TAPT1: variants seen among roughly 807,000 people sequenced by gnomAD.
TAPT1 encodes transmembrane anterior posterior transformation 1.
TAPT1 carries 28 observed loss-of-function variants against 65.6 expected under a neutral mutation model. The ratio of observed to expected loss-of-function variants is 0.43; its 90% CI spans 0.32 to 0.59. The LOEUF is 0.59. TAPT1 is among the 20% of genes least tolerant of loss of function. The probability of loss-of-function intolerance (pLI) is 0.09; values close to 1 mark genes in which losing one functional copy is unlikely to be tolerated. For missense variants in TAPT1, 563 were observed against 679.9 expected (o/e 0.83, Z 1.91); for synonymous variants, 278 against 245.2 (o/e 1.13, Z -1.25).
Position 16,162,217 on chromosome 4 carries a change from T to A in TAPT1, c.*1091A>T, listed in dbSNP as rs1747295361. 1 of 152,818 alleles carries A rather than the reference T, an allele frequency of 6.5e-6. No homozygotes were observed. Among genetic ancestry groups the A allele is most frequent in the South Asian group, 2.1e-4 (1 of 4,806 alleles). 9.5% of individuals were successfully genotyped at this position (152,818 alleles called of 1,614,324 possible). A position where few individuals can be genotyped will look rare whatever the true frequency, so the allele number is the denominator to read the frequency against. ...CCTCTCCAGACCCAGGCCTGCCCCA[T>A]CCCCAGCACAGGCCCACCCTGATAG... On this transcript the variant is annotated 3_prime_UTR_variant, in exon 14 of 14. Coordinates refer to ENST00000405303, the MANE Select transcript of TAPT1 (RefSeq NM_153365.3).
chr4:16,186,048 A>G (rs1211918318), intron 7 of TAPT1, among the ~76,000 whole-genome samples: 2 of 152,218 alleles, frequency 1.3e-5, no homozygotes, highest in African/African-American at 4.8e-5. Flanking sequence ...GCTTTCAAAA[A>G]CTATGTAAGA....
chr4:16,176,714 C>T (rs1039498770), intron 8 of TAPT1: 2 of 152,358 alleles, frequency 1.3e-5, no homozygotes, highest in African/African-American at 4.8e-5. Context: ...ACAACAAAAA[C>T]CCAAATATTT....
At chr4:16,196,131 G>A (rs1473994355) in intron 3 of TAPT1, among the ~76,000 whole-genome samples, 1 of 151,960 alleles carries the variant, frequency 6.6e-6, no homozygotes, top group African/African-American at 2.4e-5. Context: ...TAAGTAAACT[G>A]GAATAAAGTA....
In TAPT1 at chr4:16,222,280, A is replaced by G. The variant is rs1363590417; in HGVS notation, c.199+3979T>C. On this transcript the variant is annotated intron_variant, in intron 1 of 13. Coordinates refer to ENST00000405303, the MANE Select transcript of TAPT1 (RefSeq NM_153365.3). ...GACACTGAACTGATCAAAAACCAAA[A>G]TAAGTAACTTTTCATTGTTCGTTTG... Among the ~76,000 whole-genome samples, 3 of 152,346 alleles carry G rather than the reference A, an allele frequency of 2.0e-5. No individual in the cohort carries two copies. The South Asian group carries it at 6.2e-4, about 32-fold the overall frequency.
At chr4:16,174,993 G>T (rs887705969) in intron 9 of TAPT1, 1 of 270,418 alleles carries the variant, frequency 3.7e-6, no homozygotes, top group East Asian at 6.8e-5. Flanking sequence ...ATGATCCTGA[G>T]AGTTTAGAAT....
rs1159377189 is a variant in TAPT1 at position 16,160,698 on chromosome 4, A to C, written c.*2610T>G. 6.6e-6 allele frequency: 1 copy of C among 152,256 alleles called. No homozygotes were observed. The highest frequency in any genetic ancestry group is 1.5e-5 in the Non-Finnish European group (1 of 68,036). 9.4% of individuals were successfully genotyped at this position (152,256 alleles called of 1,614,324 possible). A position where few individuals can be genotyped will look rare whatever the true frequency, so the allele number is the denominator to read the frequency against. On this transcript the variant is annotated 3_prime_UTR_variant, in exon 14 of 14. Coordinates refer to ENST00000405303, the MANE Select transcript of TAPT1 (RefSeq NM_153365.3). Reference sequence around the variant, plus strand: ...TTCTGACACATAGGAAGTGATTAACAAATCTTTGTTGATAAAAAATAGTTG... The same window carrying C: ...TTCTGACACATAGGAAGTGATTAACCAATCTTTGTTGATAAAAAATAGTTG...
At chr4:16,188,182 T>C in intron 5 of TAPT1, 38 bp downstream of exon 5, 2 of 1,562,168 alleles carry the variant, frequency 1.3e-6, no homozygotes, top group Non-Finnish European at 1.7e-6. Flanking sequence ...AGACTATGCA[T>C]TAACTGTCGG....
chr4:16,186,992 A>G, intron 5 of TAPT1, 114 bp from the exon 6 acceptor site: 1 of 645,836 alleles, frequency 1.5e-6, no homozygotes, highest in Non-Finnish European at 2.7e-6. Context: ...TTGTCTTAAT[A>G]AGTATTGTAT....
chr4:16,225,013 T>G (rs1751463283), intron 1 of TAPT1, among the ~76,000 whole-genome samples: 1 of 152,238 alleles, frequency 6.6e-6, no homozygotes, highest in Non-Finnish European at 1.5e-5. Flanking sequence ...AACAGACAGT[T>G]GAGAGATTTG....
intron 12 of TAPT1, among the ~76,000 whole-genome samples, chr4:16,168,553 G>A (rs1240993569): frequency 1.3e-5 from 2 of 152,162 alleles, no homozygotes; most frequent in Non-Finnish European, 2.9e-5. Flanking sequence ...CTCTTCCCAG[G>A]TGGCTGCACA....
intron 7 of TAPT1, among the ~76,000 whole-genome samples, chr4:16,180,262 T>A (rs1748636279): frequency 6.6e-6 from 1 of 152,168 alleles, no homozygotes; most frequent in South Asian, 2.1e-4. Flanking sequence ...GTGGAAGGAA[T>A]TTAATAAAAG....
chr4:16,179,278 C>A, intron 8 of TAPT1: 1 of 254,004 alleles, frequency 3.9e-6, no homozygotes, highest in Non-Finnish European at 7.5e-6. Flanking sequence ...ATACTGCAGG[C>A]AAACTGTGAC....
intron 7 of TAPT1, among the ~76,000 whole-genome samples, chr4:16,184,359 T>G (rs2149685271): frequency 1.3e-5 from 2 of 152,370 alleles, no homozygotes; most frequent in Middle Eastern, 3.4e-3. Context: ...TCTTTTATCT[T>G]TAATTGCTAA....
In TAPT1 at chr4:16,186,811, CTTG is replaced by C. The variant is rs1054602017; in HGVS notation, c.813_815del (p.Asn271del). ...TAGACATCATGATAGTAAGCAAAGA[CTTG>C]TTGTGTGAGTTAAAAGCTACATTGA... is the stretch of plus-strand genomic sequence containing the variant. On this transcript the variant is annotated inframe_deletion, in exon 6 of 14. Transcript: ENST00000405303. 5 of 1,610,368 alleles carry C rather than the reference CTTG, an allele frequency of 3.1e-6. No homozygotes were observed. The highest frequency in any genetic ancestry group is 4.2e-6 in the Non-Finnish European group (5 of 1,177,094).
chr4:16,225,858 G>C, intron 1 of TAPT1: 1 of 985,064 alleles, frequency 1.0e-6, no homozygotes, highest in Non-Finnish European at 1.2e-6. Flanking sequence ...TTAAAATACA[G>C]AACAAAAAAA....
chr4:16,219,477 T>C (rs1250930806), intron 1 of TAPT1, among the ~76,000 whole-genome samples: 4 of 152,214 alleles, frequency 2.6e-5, no homozygotes, highest in Non-Finnish European at 4.4e-5. Context: ...GAGTTCTGAA[T>C]GTAAGGGTAA....
intron 7 of TAPT1, among the ~76,000 whole-genome samples, chr4:16,180,257 A>G (rs1748635930): frequency 6.6e-6 from 1 of 152,228 alleles, no homozygotes; most frequent in South Asian, 2.1e-4. Context: ...ATTAGGTGGA[A>G]GGAATTTAAT....
At chr4:16,182,174 T>C (rs1018311103) in intron 7 of TAPT1, among the ~76,000 whole-genome samples, 1 of 152,306 alleles carries the variant, frequency 6.6e-6, no homozygotes, top group South Asian at 2.1e-4. Flanking sequence ...ATTTGACTTT[T>C]AAAATTTGAG....
chr4:16,197,838 A>G (rs1490383499), intron 3 of TAPT1, among the ~76,000 whole-genome samples: 1 of 152,218 alleles, frequency 6.6e-6, no homozygotes, highest in Non-Finnish European at 1.5e-5. Flanking sequence ...TAAAGAATTT[A>G]GATGCATTTT....
Sources: allele counts gnomAD v4.1 joint callset (sites outside exome capture counted in the v4.1 genomes callset), GRCh38; gene constraint gnomAD v4.1.1; transcripts MANE v1.5; gene names NCBI Gene and HGNC (gene_info 2026-07-23, HGNC 2026-07-21).